SLC1A3: variants seen among roughly 807,000 people sequenced by gnomAD.
SLC1A3 encodes the protein solute carrier family 1 member 3, also known as excitatory amino acid transporter 1.
Under a neutral mutation model 48.1 loss-of-function variants are expected in SLC1A3, and 21 were observed. The ratio of observed to expected loss-of-function variants is 0.44; its 90% CI spans 0.31 to 0.63. SLC1A3 has a LOEUF of 0.63. SLC1A3 is among the 20% of genes least tolerant of loss of function. The pLI is 0.08. For missense variants in SLC1A3, 546 were observed against 689.0 expected, an observed-to-expected ratio of 0.79 and a Z score of 2.32; for synonymous variants, 239 against 251.4, an observed-to-expected ratio of 0.95 and a Z score of 0.47.
At chr5:36,650,096 G>C (rs957382915) in intron 3 of SLC1A3, among the ~76,000 whole-genome samples, 12 of 152,070 alleles carry the variant, frequency 7.9e-5, no homozygotes, top group Non-Finnish European at 1.5e-5. Flanking sequence ...TACTGTTTTG[G>C]GGACATCCAA....
intron 3 of SLC1A3, among the ~76,000 whole-genome samples, chr5:36,658,334 C>A (rs569289166): frequency 1.3e-5 from 2 of 151,762 alleles, no homozygotes; most frequent in South Asian, 4.2e-4. Context: ...GGTAGGCCTG[C>A]GTAGGAAATG....
intron 3 of SLC1A3, among the ~76,000 whole-genome samples, chr5:36,660,146 C>G (rs888329434): frequency 6.6e-6 from 1 of 151,996 alleles, no homozygotes; most frequent in Admixed American, 6.5e-5. Context: ...TGTTCCAAAC[C>G]CTGGTGACTG....
chr5:36,684,195 C>T (rs1021547265), intron 9 of SLC1A3, among the ~76,000 whole-genome samples, 197 bp downstream of exon 9: 1 of 152,254 alleles, frequency 6.6e-6, no homozygotes, highest in Non-Finnish European at 1.5e-5. Flanking sequence ...TGCACTCACT[C>T]CCCTGTCAGC....
intron 3 of SLC1A3, among the ~76,000 whole-genome samples, chr5:36,651,140 TTAAAA>T (rs1251778891): frequency 9.6e-5 from 5 of 52,346 alleles, no homozygotes; most frequent in South Asian, 9.4e-4. Flanking sequence ...TAAGTTTTTT[TTAAAA>T]AAAAAAAAAA....
chr5:36,676,650 G>GTGTGTGTGTGTA (rs1212517689), intron 5 of SLC1A3, among the ~76,000 whole-genome samples: 16 of 44,786 alleles, frequency 3.6e-4, no homozygotes, highest in African/African-American at 1.2e-3. Flanking sequence ...GTGTGTGTAT[G>GTGTGTGTGTGTA]TGTGTGTGTG....
At chr5:36,649,418 A>T (rs1383582411) in intron 3 of SLC1A3, 1 of 152,176 alleles carries the variant, frequency 6.6e-6, no homozygotes, top group African/African-American at 2.4e-5. Flanking sequence ...AAAAGGGACA[A>T]TTGGCATAAA....
intron 6 of SLC1A3, 39 bp downstream of exon 6, chr5:36,677,223 T>C (rs775169551): frequency 6.4e-7 from 1 of 1,562,000 alleles, no homozygotes. Flanking sequence ...ATATACGAGA[T>C]GGTTATTGCC....
intron 2 of SLC1A3, among the ~76,000 whole-genome samples, chr5:36,625,531 C>A (rs1355957117): frequency 6.6e-6 from 1 of 152,156 alleles, no homozygotes; most frequent in African/African-American, 2.4e-5. Context: ...TAAACACCAT[C>A]GTTAACACAT....
At chr5:36,677,512 A>G (rs1252603301) in intron 6 of SLC1A3, among the ~76,000 whole-genome samples, 3 of 152,238 alleles carry the variant, frequency 2.0e-5, no homozygotes, top group African/African-American at 7.2e-5. Context: ...TGCTAAGCAT[A>G]TAGTGCCAGG....
chr5:36,679,937 C>T (rs1362445522), intron 7 of SLC1A3, 77 bp downstream of exon 7: 7 of 958,678 alleles, frequency 7.3e-6, no homozygotes, highest in African/African-American at 1.6e-5. Context: ...GTAGGAGAAG[C>T]CATTTTATTC....
intron 2 of SLC1A3, among the ~76,000 whole-genome samples, chr5:36,621,042 A>T (rs1739643898): frequency 6.6e-6 from 1 of 151,958 alleles, no homozygotes; most frequent in African/African-American, 2.4e-5. Context: ...AGTAGCTGGG[A>T]CAACAGGTGT....
At chr5:36,603,948 A>G (rs974868834), upstream of SLC1A3, among the ~76,000 whole-genome samples, 4 of 152,212 alleles carry the variant, frequency 2.6e-5, no homozygotes, top group African/African-American at 9.7e-5. Flanking sequence ...AAAATTTCCT[A>G]ATTTTGAATG....
chr5:36,607,301 A>G (rs1243479800), intron 1 of SLC1A3: 1 of 152,148 alleles, frequency 6.6e-6, no homozygotes, highest in Admixed American at 6.5e-5. Context: ...TGGCAGCGAC[A>G]CACATCCATG....
At chr5:36,677,645 A>T (rs1168910865) in intron 6 of SLC1A3, among the ~76,000 whole-genome samples, 1 of 152,240 alleles carries the variant, frequency 6.6e-6, no homozygotes, top group Non-Finnish European at 1.5e-5. Context: ...GGTGCTGTGG[A>T]AAAATAAAAT....
intron 3 of SLC1A3, among the ~76,000 whole-genome samples, chr5:36,657,249 T>C (rs914356740): frequency 6.6e-6 from 1 of 152,232 alleles, no homozygotes; most frequent in Admixed American, 6.5e-5. Flanking sequence ...TAGCTTCATG[T>C]GCTATAGGGA....
intron 3 of SLC1A3, among the ~76,000 whole-genome samples, chr5:36,644,011 CAAAAAATA>C (rs374484522): frequency 0.047 from 6,496 of 139,214 alleles, 223 homozygotes; most frequent in East Asian, 0.13. Flanking sequence ...GACTCCGTCT[CAAAAAATA>C]AATAAATAAA....
intron 3 of SLC1A3, among the ~76,000 whole-genome samples, chr5:36,661,171 G>C (rs980613055): frequency 6.6e-6 from 1 of 152,190 alleles, no homozygotes; most frequent in Non-Finnish European, 1.5e-5. Flanking sequence ...CAGCACTTTG[G>C]GAGGTCCAGG....
At chr5:36,636,543 C>T (rs13166348) in intron 3 of SLC1A3, among the ~76,000 whole-genome samples, 1 of 141,428 alleles carries the variant, frequency 7.1e-6, no homozygotes, top group African/African-American at 2.6e-5. Flanking sequence ...TTTTCTCTCT[C>T]TCTTTCCTTT....
At chr5:36,685,400 C>T (rs1742603370) in intron 9 of SLC1A3, among the ~76,000 whole-genome samples, 1 of 152,206 alleles carries the variant, frequency 6.6e-6, no homozygotes, top group South Asian at 2.1e-4. Flanking sequence ...CCTCAGCCTC[C>T]TGAGTAGCTG....
Sources: gnomAD v4.1 joint callset for allele counts (sites outside exome capture counted in the v4.1 genomes callset) on GRCh38, gnomAD v4.1.1 for gene constraint, MANE v1.5 for transcripts, NCBI Gene and HGNC (gene_info 2026-07-23, HGNC 2026-07-21) for gene names.